The following MOV10L1 variants were observed in gnomAD, a reference collection of about 807,000 sequenced individuals.
MOV10L1 encodes Mov10 like RNA helicase 1, also known as RNA helicase Mov10l1.
Under a neutral mutation model 143.8 loss-of-function variants are expected in MOV10L1, and 110 were observed. That is an observed-to-expected ratio of 0.76 (90% CI 0.66 to 0.90). The LOEUF (loss-of-function observed/expected upper bound fraction) is 0.90, where lower values mean the gene tolerates loss of function less well. Ranked by LOEUF, MOV10L1 falls within the 40% of genes least tolerant of loss-of-function variation. The pLI is 0.00. For synonymous variants in MOV10L1, 593 were observed against 581.1 expected, an observed-to-expected ratio of 1.02 and a Z score of -0.29; for missense variants, 1,406 against 1,526.8, an observed-to-expected ratio of 0.92 and a Z score of 1.32.
In MOV10L1 at chr22:50,108,849, G is replaced by T; in HGVS notation, c.743+5G>T. 2 of 1,613,790 alleles carry T rather than the reference G, an allele frequency of 1.2e-6. No homozygotes were observed. Among genetic ancestry groups the T allele is most frequent in the Non-Finnish European group, 1.7e-6 (2 of 1,179,734 alleles). Reference sequence around the variant, plus strand: ...TATGACCCTAGTGAAGAGGCGGTAAGAAAATGCTTTTCTGGCCAGGTGCGG... The same window carrying T: ...TATGACCCTAGTGAAGAGGCGGTAATAAAATGCTTTTCTGGCCAGGTGCGG... On this transcript the variant is annotated splice_donor_5th_base_variant and intron_variant, in intron 5 of 26. Transcript: ENST00000262794.
intron 3 of MOV10L1, 138 bp from the exon 4 acceptor site, chr22:50,107,998 T>G (rs1248309281): frequency 1.4e-6 from 1 of 707,438 alleles, no homozygotes; most frequent in Non-Finnish European, 2.4e-6. Flanking sequence ...CGAAAATATG[T>G]TTCTCACAGT....
chr22:50,118,948 C>G (rs2062257826), intron 9 of MOV10L1, among the ~76,000 whole-genome samples: 1 of 152,124 alleles, frequency 6.6e-6, no homozygotes, highest in South Asian at 2.1e-4. Flanking sequence ...GGCACAGTTT[C>G]AACATCAAGG....
chr22:50,106,699 C>CTTTTTT (rs71198216), intron 3 of MOV10L1, among the ~76,000 whole-genome samples: 1 of 120,706 alleles, frequency 8.3e-6, no homozygotes, highest in Admixed American at 9.0e-5. Flanking sequence ...AGGACATGGT[C>CTTTTTT]TTTTTTTTTT....
intron 3 of MOV10L1, among the ~76,000 whole-genome samples, chr22:50,106,699 CTTTTTT>C (rs71198216): frequency 0.012 from 1,494 of 120,696 alleles, 27 homozygotes; most frequent in African/African-American, 0.041. Flanking sequence ...AGGACATGGT[CTTTTTT>C]TTTTTTTTTT....
intron 8 of MOV10L1, 63 bp downstream of exon 8, chr22:50,115,309 G>A: frequency 2.1e-6 from 3 of 1,427,216 alleles, no homozygotes; most frequent in African/African-American, 1.5e-5. Flanking sequence ...TCTAGGTTGG[G>A]TGTTATAAAA....
chr22:50,147,602 G>T (rs1389309770), intron 19 of MOV10L1, among the ~76,000 whole-genome samples: 2 of 152,068 alleles, frequency 1.3e-5, no homozygotes, highest in Admixed American at 6.6e-5. Context: ...AAGCAGGGAG[G>T]GTGCTGCAGC....
chr22:50,114,589 A>C lies in MOV10L1; in HGVS notation c.1093A>C (p.Ser365Arg). 6.2e-7 allele frequency: 1 copy of C among 1,614,124 alleles called. No homozygotes were observed. Among genetic ancestry groups the C allele is most frequent in the Non-Finnish European group, 8.5e-7 (1 of 1,180,022 alleles). Residue 365 changes from serine (S) to arginine (R), a missense_variant, in exon 7 of 27, where the codon AGC becomes CGC. By Grantham distance (110) the Ser-to-Arg change is moderately radical (BLOSUM62 -1). Around this residue, in one of 3 missense-constraint regions of MOV10L1, gnomAD observed 1,233 missense variants for 1,351.4 expected, o/e 0.91. Coordinates refer to ENST00000262794, the MANE Select transcript of MOV10L1 (RefSeq NM_018995.3). ...TKNKTSQMSE[S>R]SLVNNRGISP... ...AAACAAAACCTCTCAGATGTCGGAG[A>C]GCAGTTTGGTGAACAACAGAGGAAT...
intron 5 of MOV10L1, among the ~76,000 whole-genome samples, chr22:50,110,466 T>C (rs1238510752): frequency 6.6e-6 from 1 of 151,082 alleles, no homozygotes; most frequent in Non-Finnish European, 1.5e-5. Context: ...AAAAAAAGAC[T>C]GTCTTTTGGA....
In MOV10L1 at chr22:50,145,680, T is replaced by C. The variant is rs2063133467; in HGVS notation, c.2506-9T>C. Reference sequence around the variant, plus strand: ...GGAGTAAACTAACTCTACGCCTCCTTGCCCCCAGATAGTTATTGACGCCGT... The same window carrying C: ...GGAGTAAACTAACTCTACGCCTCCTCGCCCCCAGATAGTTATTGACGCCGT... On this transcript the variant is annotated splice_polypyrimidine_tract_variant and intron_variant, in intron 18 of 26. Transcript: ENST00000262794. The C allele has an allele frequency of 6.2e-7, 1 of 1,613,960 alleles. No homozygotes were observed. The highest frequency in any genetic ancestry group is 1.1e-5 in the South Asian group (1 of 91,084).
chr22:50,092,091 A>G lies in MOV10L1; in HGVS notation c.188A>G (p.Asp63Gly). ...GATGATATGATCTACTTCTCCAGTG[A>G]TGCTGTGACTAGCAGAGTGCTTCTG... is the stretch of plus-strand genomic sequence containing the variant. Reference protein sequence around the residue: ...MIDDMIYFSSDAVTSRVLLNV... With the variant: ...MIDDMIYFSSGAVTSRVLLNV... The change falls in exon 2 of 27, where the codon GAT (aspartate) becomes GGT (glycine). Residue 63 changes from aspartate (D) to glycine (G), a missense_variant. Transcript: ENST00000262794. 6.2e-7 allele frequency: 1 copy of G among 1,614,176 alleles called. No individual in the cohort carries two copies. The highest frequency in any genetic ancestry group is 8.5e-7 in the Non-Finnish European group (1 of 1,180,026).
chr22:50,139,751 C>A (rs904512280), intron 15 of MOV10L1, among the ~76,000 whole-genome samples: 1 of 152,154 alleles, frequency 6.6e-6, no homozygotes, highest in African/African-American at 2.4e-5. Context: ...TGGTAATAAA[C>A]ACATGAAAGA....
chr22:50,097,906 T>C (rs1569268113), intron 2 of MOV10L1, among the ~76,000 whole-genome samples: 1 of 152,152 alleles, frequency 6.6e-6, no homozygotes, highest in South Asian at 2.1e-4. Flanking sequence ...TGATATTGAC[T>C]CATTGCAACC....
At chr22:50,104,680 T>C (rs2061825615) in intron 3 of MOV10L1, among the ~76,000 whole-genome samples, 1 of 152,220 alleles carries the variant, frequency 6.6e-6, no homozygotes, top group Non-Finnish European at 1.5e-5. Context: ...TATTAAAAAA[T>C]GTCATATTGG....
At chr22:50,120,934 C>G (rs937050901) in intron 10 of MOV10L1, among the ~76,000 whole-genome samples, 4 of 152,178 alleles carry the variant, frequency 2.6e-5, no homozygotes, top group Non-Finnish European at 5.9e-5. Context: ...ACTAGGAGGC[C>G]TTTGTTATGA....
At chr22:50,146,310 G>A (rs1470580480) in intron 19 of MOV10L1, among the ~76,000 whole-genome samples, 1 of 152,090 alleles carries the variant, frequency 6.6e-6, no homozygotes, top group Non-Finnish European at 1.5e-5. Context: ...GGGGCCATTT[G>A]TGTCCCTGGC....
In MOV10L1 at chr22:50,161,580, C is replaced by G. The variant is rs932962817; in HGVS notation, c.*131C>G. On this transcript the variant is annotated 3_prime_UTR_variant, in exon 27 of 27. Coordinates refer to ENST00000262794, the MANE Select transcript of MOV10L1 (RefSeq NM_018995.3). ...GGGTCGTGTGTGGGTGTGGGGCTGC[C>G]AGGTTGGACGCAGCTGCTGCTGCCC... 3.4e-6 allele frequency: 3 copies of G among 894,798 alleles called. No homozygotes were observed. In the African/African-American group the frequency reaches 5.1e-5, roughly 15 times the overall value. 55.4% of individuals were successfully genotyped at this position (894,798 alleles called of 1,614,324 possible). A position where few individuals can be genotyped will look rare whatever the true frequency, so the allele number is the denominator to read the frequency against.
intron 9 of MOV10L1, among the ~76,000 whole-genome samples, chr22:50,118,005 T>A (rs2062230393): frequency 6.6e-6 from 1 of 152,192 alleles, no homozygotes; most frequent in African/African-American, 2.4e-5. Flanking sequence ...CCATCGGCTA[T>A]AATAACTGAT....
At chr22:50,103,075 G>T (rs936257065) in intron 3 of MOV10L1, among the ~76,000 whole-genome samples, 2 of 152,136 alleles carry the variant, frequency 1.3e-5, no homozygotes, top group African/African-American at 2.4e-5. Context: ...ATGCCAGCCG[G>T]CCTGGGTCAG....
intron 19 of MOV10L1, chr22:50,146,989 TGGAC>T: frequency 5.5e-6 from 8 of 1,446,502 alleles, no homozygotes; most frequent in Non-Finnish European, 6.6e-6. Flanking sequence ...GCTACCGGAT[TGGAC>T]AGCACGGATC....
Sources: allele counts gnomAD v4.1 joint callset (sites outside exome capture counted in the v4.1 genomes callset), GRCh38; gene constraint gnomAD v4.1.1; regional missense constraint gnomAD v4.1.1; transcripts MANE v1.5; gene names NCBI Gene and HGNC (gene_info 2026-07-23, HGNC 2026-07-21).